ARHGEF3: variants seen among roughly 807,000 people sequenced by gnomAD.
The protein encoded by ARHGEF3 is Rho guanine nucleotide exchange factor 3.
In ARHGEF3, 28 loss-of-function variants were observed where a neutral mutation model predicts 63.2. The ratio of observed to expected loss-of-function variants is 0.44; its 90% CI spans 0.33 to 0.61. ARHGEF3 has a LOEUF of 0.61. ARHGEF3 is among the 20% of genes least tolerant of loss of function. ARHGEF3 has a pLI of 0.03. For missense variants in ARHGEF3, 533 were observed against 659.3 expected, an observed-to-expected ratio of 0.81 and a Z score of 2.10; for synonymous variants, 266 against 254.2, an observed-to-expected ratio of 1.05 and a Z score of -0.44.
At chr3:57,069,184 G>A (rs1012484330) in intron 1 of ARHGEF3, among the ~76,000 whole-genome samples, 7 of 152,254 alleles carry the variant, frequency 4.6e-5, no homozygotes, top group African/African-American at 1.7e-4. Context: ...GCCTCCCAAA[G>A]TGCTAGGATT....
intron 4 of ARHGEF3, among the ~76,000 whole-genome samples, chr3:56,821,300 T>C (rs1356892891): frequency 1.3e-5 from 2 of 152,162 alleles, no homozygotes; most frequent in South Asian, 2.1e-4. Flanking sequence ...GGGAAGAAGT[T>C]AGTAATTGTT....
At chr3:57,012,266 G>A (rs1485408080) in intron 2 of ARHGEF3, among the ~76,000 whole-genome samples, 1 of 152,086 alleles carries the variant, frequency 6.6e-6, no homozygotes, top group African/African-American at 2.4e-5. Flanking sequence ...TGTTGTTGCT[G>A]TTGTTGTTGT....
At chr3:57,019,518 A>T (rs988639167) in intron 2 of ARHGEF3, among the ~76,000 whole-genome samples, 9 of 152,212 alleles carry the variant, frequency 5.9e-5, no homozygotes, top group Non-Finnish European at 7.3e-5. Context: ...TGATCCCAGG[A>T]GGTGTAAACA....
intron 3 of ARHGEF3, among the ~76,000 whole-genome samples, chr3:56,892,420 A>G (rs181524373): frequency 6.6e-6 from 1 of 152,290 alleles, no homozygotes; most frequent in Non-Finnish European, 1.5e-5. Context: ...GTTCTCAGGT[A>G]CACCAGATTG....
At chr3:57,053,085 C>T (rs1704744448) in intron 1 of ARHGEF3, among the ~76,000 whole-genome samples, 1 of 152,228 alleles carries the variant, frequency 6.6e-6, no homozygotes, top group South Asian at 2.1e-4. Flanking sequence ...TGCAAAGCTG[C>T]CTGCTAGGCA....
At position 56,969,936 on chromosome 3, in the gene ARHGEF3, G is replaced by C. The variant is rs144748213; in HGVS notation, c.63-11047C>G. 3.5e-3 allele frequency among the ~76,000 whole-genome samples: 538 copies of C among 152,140 alleles called. 1 individual carries two copies. Among genetic ancestry groups the C allele is most frequent in the Non-Finnish European group, 5.9e-3 (402 of 68,024 alleles). On this transcript the variant is annotated intron_variant, in intron 2 of 12. Coordinates refer to the ARHGEF3 transcript ENST00000338458. The stretch of plus-strand genomic sequence containing the variant: ...AAAACATGCAAAGTGAAAGAAGCCA[G>C]ACACAAGGGATACATATTATATGAT...
At chr3:56,957,567 T>A (rs891355722) in intron 3 of ARHGEF3, among the ~76,000 whole-genome samples, 2 of 152,208 alleles carry the variant, frequency 1.3e-5, no homozygotes, top group African/African-American at 4.8e-5. Context: ...GTTGCTACAC[T>A]CTTCATGCCT....
chr3:56,859,653 C>T (rs1184286790), intron 4 of ARHGEF3, among the ~76,000 whole-genome samples: 1 of 151,660 alleles, frequency 6.6e-6, no homozygotes, highest in Non-Finnish European at 1.5e-5. Flanking sequence ...CCATCTCAGC[C>T]TCCCGAGTAG....
At chr3:56,734,628 T>C (rs2033472609) in intron 8 of ARHGEF3, among the ~76,000 whole-genome samples, 1 of 152,202 alleles carries the variant, frequency 6.6e-6, no homozygotes, top group South Asian at 2.1e-4. Flanking sequence ...AATTTTGACT[T>C]GGGATAGTGG....
chr3:56,763,676 G>A (rs2035546637), intron 2 of ARHGEF3, among the ~76,000 whole-genome samples: 1 of 152,120 alleles, frequency 6.6e-6, no homozygotes, highest in East Asian at 1.9e-4. Context: ...ACCCCTGGAT[G>A]GTGGGACTAC....
At chr3:56,996,300 C>A (rs911215539) in intron 2 of ARHGEF3, among the ~76,000 whole-genome samples, 3 of 152,224 alleles carry the variant, frequency 2.0e-5, no homozygotes, top group Non-Finnish European at 4.4e-5. Flanking sequence ...TCCCTGCACA[C>A]TGCAAACGAG....
intron 1 of ARHGEF3, among the ~76,000 whole-genome samples, chr3:57,062,558 G>C (rs1048909512): frequency 3.3e-5 from 5 of 152,162 alleles, no homozygotes; most frequent in Non-Finnish European, 7.3e-5. Flanking sequence ...AATAGCAAAA[G>C]ATTGGAAGCT....
At chr3:56,977,993 A>G (rs1189219500) in intron 2 of ARHGEF3, among the ~76,000 whole-genome samples, 1 of 152,178 alleles carries the variant, frequency 6.6e-6, no homozygotes, top group East Asian at 1.9e-4. Flanking sequence ...CAGTAGAGAC[A>G]AAAAGCAATC....
chr3:57,077,316 A>G (rs1440800150), intron 1 of ARHGEF3, among the ~76,000 whole-genome samples: 1 of 125,988 alleles, frequency 7.9e-6, no homozygotes, highest in Non-Finnish European at 1.7e-5. Context: ...ATTGAGATGT[A>G]ACGGGGCAAG....
chr3:56,990,558 T>G (rs1701710685), intron 2 of ARHGEF3, among the ~76,000 whole-genome samples: 1 of 151,728 alleles, frequency 6.6e-6, no homozygotes, highest in South Asian at 2.1e-4. Flanking sequence ...TACCTGAGAG[T>G]AGTTTCCTAA....
At chr3:56,959,016 G>T in intron 2 of ARHGEF3, 1 of 946,652 alleles carries the variant, frequency 1.1e-6, no homozygotes, top group Non-Finnish European at 1.6e-6. Context: ...GGTGGATGGA[G>T]TTTTCAACAG....
intron 3 of ARHGEF3, among the ~76,000 whole-genome samples, chr3:56,932,283 TCAAAA>T (rs2042434776): frequency 1.3e-5 from 2 of 152,174 alleles, no homozygotes; most frequent in African/African-American, 4.8e-5. Context: ...CGTACGAAAG[TCAAAA>T]CAAAACAAAA....
intron 9 of ARHGEF3, among the ~76,000 whole-genome samples, chr3:56,730,104 G>C (rs1649497352): frequency 6.6e-6 from 1 of 152,120 alleles, no homozygotes; most frequent in Non-Finnish European, 1.5e-5. Context: ...CTTTTTTAGA[G>C]ATTCTGATTC....
At chr3:56,773,631 A>T in intron 2 of ARHGEF3, 78 bp downstream of exon 2, 1 of 1,264,460 alleles carries the variant, frequency 7.9e-7, no homozygotes, top group Non-Finnish European at 1.1e-6. Context: ...AACCAGGGGA[A>T]ATTCTAGGTA....
Sources: allele counts gnomAD v4.1 joint callset (sites outside exome capture counted in the v4.1 genomes callset), GRCh38; gene constraint gnomAD v4.1.1; transcripts MANE v1.5; gene names NCBI Gene and HGNC (gene_info 2026-07-23, HGNC 2026-07-21).